TRPM3: variants seen among roughly 807,000 people sequenced by gnomAD.
TRPM3 encodes the protein transient receptor potential cation channel subfamily M member 3.
TRPM3 carries 77 observed loss-of-function variants against 181.2 expected under a neutral mutation model. The observed-to-expected ratio is 0.42, with a 90% CI of 0.35 to 0.51. The LOEUF is 0.51. Ranked by LOEUF, TRPM3 falls within the 20% of genes least tolerant of loss-of-function variation. TRPM3 has a pLI of 0.01. For missense variants in TRPM3, 1,759 were observed against 2,196.7 expected, an observed-to-expected ratio of 0.80 and a Z score of 3.98; for synonymous variants, 745 against 796.4, an observed-to-expected ratio of 0.94 and a Z score of 1.09.
At chr9:70,769,913 C>A (rs1346715100) in intron 7 of TRPM3, among the ~76,000 whole-genome samples, 9 of 152,180 alleles carry the variant, frequency 5.9e-5, no homozygotes, top group Non-Finnish European at 1.3e-4. Context: ...GGTGGGTGAC[C>A]AGGCGGTCTC....
intron 1 of TRPM3, among the ~76,000 whole-genome samples, chr9:71,275,690 T>C (rs74691072): frequency 0.03 from 4,565 of 152,196 alleles, 201 homozygotes; most frequent in African/African-American, 0.1. Flanking sequence ...TTATTGAAGA[T>C]AGATAGGTAT....
At chr9:71,093,548 C>G (rs746280653) in intron 1 of TRPM3, among the ~76,000 whole-genome samples, 4 of 152,136 alleles carry the variant, frequency 2.6e-5, no homozygotes, top group Non-Finnish European at 5.9e-5. Context: ...TATCATCTCA[C>G]ACCAGTTAGA....
At chr9:71,322,909 C>A (rs2089368752) in intron 1 of TRPM3, among the ~76,000 whole-genome samples, 1 of 152,054 alleles carries the variant, frequency 6.6e-6, no homozygotes, top group Admixed American at 6.6e-5. Flanking sequence ...TAATAATTAG[C>A]TGAAGGGTAA....
At chr9:70,582,337 T>C (rs2056074864) in intron 22 of TRPM3, among the ~76,000 whole-genome samples, 1 of 152,232 alleles carries the variant, frequency 6.6e-6, no homozygotes, top group African/African-American at 2.4e-5. Context: ...TCTTTATATG[T>C]AGTCCCTGAA....
At chr9:71,130,512 A>G (rs946850751) in intron 1 of TRPM3, among the ~76,000 whole-genome samples, 2 of 152,212 alleles carry the variant, frequency 1.3e-5, no homozygotes, top group African/African-American at 4.8e-5. Context: ...GACTTCATAT[A>G]AAATGTTCAG....
intron 1 of TRPM3, among the ~76,000 whole-genome samples, chr9:70,921,097 T>C (rs973515013): frequency 1.4e-4 from 21 of 152,202 alleles, no homozygotes; most frequent in Admixed American, 7.2e-4. Context: ...CAGATTCATT[T>C]ATCTCATGCT....
At chr9:70,862,822 A>G in intron 3 of TRPM3, 86 bp downstream of exon 3, 3 of 1,384,370 alleles carry the variant, frequency 2.2e-6, no homozygotes, top group Middle Eastern at 2.5e-4. Context: ...AGGCCCAAAG[A>G]CTAAATTTCA....
At chr9:70,600,351 T>C (rs1320429142) in intron 20 of TRPM3, among the ~76,000 whole-genome samples, 4 of 152,144 alleles carry the variant, frequency 2.6e-5, no homozygotes, top group Non-Finnish European at 5.9e-5. Flanking sequence ...ATCCAGCTAT[T>C]TGTGTGAATC....
At chr9:71,014,151 A>G (rs2097766672) in intron 1 of TRPM3, among the ~76,000 whole-genome samples, 1 of 151,956 alleles carries the variant, frequency 6.6e-6, no homozygotes, top group Non-Finnish European at 1.5e-5. Context: ...AAAATCCTGA[A>G]ATTTTGGTTT....
At chr9:71,120,842 C>T (rs2073481093) in intron 1 of TRPM3, among the ~76,000 whole-genome samples, 1 of 152,158 alleles carries the variant, frequency 6.6e-6, no homozygotes, top group South Asian at 2.1e-4. Context: ...ATTTCACTCC[C>T]ACTACTATTC....
intron 1 of TRPM3, among the ~76,000 whole-genome samples, chr9:71,216,004 T>C (rs12340836): frequency 0.27 from 40,971 of 152,138 alleles, 6,067 homozygotes; most frequent in Middle Eastern, 0.46. Context: ...GCCTAGAACC[T>C]GCAGAGTTCC....
At chr9:71,391,992 C>T (rs1440752392) in intron 1 of TRPM3, among the ~76,000 whole-genome samples, 3 of 152,180 alleles carry the variant, frequency 2.0e-5, no homozygotes, top group African/African-American at 7.2e-5. Context: ...CTATGGGCTA[C>T]AGTGGCTTGG....
At chr9:71,401,833 T>G (rs1318069595) in intron 1 of TRPM3, among the ~76,000 whole-genome samples, 2 of 152,152 alleles carry the variant, frequency 1.3e-5, no homozygotes, top group East Asian at 3.8e-4. Context: ...AAAGCTATGC[T>G]CAGATTTGAC....
At chr9:71,338,269 A>C (rs1389014772) in intron 1 of TRPM3, among the ~76,000 whole-genome samples, 1 of 152,126 alleles carries the variant, frequency 6.6e-6, no homozygotes, top group African/African-American at 2.4e-5. Context: ...CTCTACTCCA[A>C]CAAAACCTAA....
chr9:70,536,239 G>A lies in TRPM3; in HGVS notation c.4874C>T (p.Ser1625Phe), dbSNP rs868448512. 2.5e-6 allele frequency: 4 copies of A among 1,614,220 alleles called. No homozygotes were observed. The highest frequency in any genetic ancestry group is 1.7e-5 in the Admixed American group (1 of 60,024). The change falls in exon 26 of 26, where the codon TCC becomes TTC. Residue 1625 changes from serine (S) to phenylalanine (F), a missense_variant. This residue lies in a region of TRPM3 where 612 missense variants were observed against 590.0 expected (regional missense o/e 1.04). Transcript: ENST00000677713. ...TCTCTCTGAGTTATCACCCTCCTGGGAGGATATTGCAATGGTGGCTCTGCG... is the reference window on the plus strand; with the variant it reads ...TCTCTCTGAGTTATCACCCTCCTGGAAGGATATTGCAATGGTGGCTCTGCG... ...KGRRATIAISSQEGDNSERTL... is the reference protein window; with the variant it reads ...KGRRATIAISFQEGDNSERTL...
At position 70,625,396 on chromosome 9, in the gene TRPM3, C is replaced by G. The variant is rs7035025; in HGVS notation, c.1669-65G>C. 1,600,350 of 1,608,358 alleles carry G rather than the reference C, an allele frequency of 1. 796,319 individuals are homozygous for G. The highest frequency in any genetic ancestry group is 1 in the Non-Finnish European group (1,176,246 of 1,177,316). ...ACAACGTGGTTTACTAGGGATTCTA[C>G]TTCACGTATTCTGTAACTAGAGTAA... On this transcript the variant is annotated intron_variant, in intron 13 of 25. Coordinates refer to ENST00000677713, the MANE Select transcript of TRPM3 (RefSeq NM_001366145.2). This position sits in a 1 kb window ranked among gnomAD's most constrained non-coding sequence, Gnocchi z 4.8.
chr9:71,422,733 CTT>C (rs1378983793), intron 1 of TRPM3, among the ~76,000 whole-genome samples: 1 of 152,020 alleles, frequency 6.6e-6, no homozygotes, highest in African/African-American at 2.4e-5. Context: ...TGCTTGGTTT[CTT>C]ACAGTTACCC....
At chr9:71,258,786 C>A (rs572921857) in intron 1 of TRPM3, among the ~76,000 whole-genome samples, 1 of 152,118 alleles carries the variant, frequency 6.6e-6, no homozygotes, top group Non-Finnish European at 1.5e-5. Flanking sequence ...TAGAATTTTC[C>A]CTGGTCTCAG....
At chr9:71,231,089 C>T (rs1212049347) in intron 1 of TRPM3, among the ~76,000 whole-genome samples, 1 of 152,184 alleles carries the variant, frequency 6.6e-6, no homozygotes, top group Non-Finnish European at 1.5e-5. Context: ...ACACAATATA[C>T]ATACTGATGT....
Sources: allele counts gnomAD v4.1 joint callset (sites outside exome capture counted in the v4.1 genomes callset), GRCh38; gene constraint gnomAD v4.1.1; regional missense constraint gnomAD v4.1.1; non-coding constraint Gnocchi (gnomAD v3.1); transcripts MANE v1.5; gene names NCBI Gene and HGNC (gene_info 2026-07-23, HGNC 2026-07-21).